The following HDAC2 variants were observed in gnomAD, a reference collection of about 807,000 sequenced individuals.
The protein encoded by HDAC2 is histone deacetylase 2, also known as YY1-associated factor 1.
Under a neutral mutation model 68.5 loss-of-function variants are expected in HDAC2, and 5 were observed. That is an observed-to-expected ratio of 0.07 (90% CI 0.04 to 0.15). The LOEUF is 0.15. Ranked by LOEUF, HDAC2 falls within the 10% of genes least tolerant of loss-of-function variation. HDAC2 has a pLI of 1.00. For missense variants in HDAC2, 291 were observed against 600.8 expected, an observed-to-expected ratio of 0.48 and a Z score of 5.39; for synonymous variants, 182 against 191.3, an observed-to-expected ratio of 0.95 and a Z score of 0.40.
intron 1 of HDAC2, among the ~76,000 whole-genome samples, chr6:113,961,124 A>G (rs1294326945): frequency 6.6e-6 from 1 of 152,164 alleles, no homozygotes; most frequent in Non-Finnish European, 1.5e-5. Context: ...GGGTCAGGAC[A>G]GTCAAGCTAT....
chr6:113,956,193 T>C (rs1289324851), intron 4 of HDAC2, 42 bp from the exon 5 acceptor site: 2 of 1,525,686 alleles, frequency 1.3e-6, no homozygotes, highest in East Asian at 2.3e-5. Flanking sequence ...ACATTTATCA[T>C]AAAAAAGTAG....
chr6:113,940,108 T>A lies in HDAC2; in HGVS notation c.*950A>T, dbSNP rs1424105442. The A allele has an allele frequency of 1.3e-5, 2 of 152,200 alleles. No homozygotes were observed. Among genetic ancestry groups the A allele is most frequent in the African/African-American group, 2.4e-5 (1 of 41,460 alleles). The allele number at this position is 152,200 out of a possible 1,614,324, so 9.4% of individuals were successfully genotyped here. A position where few individuals can be genotyped will look rare whatever the true frequency, so the allele number is the denominator to read the frequency against. On this transcript the variant is annotated 3_prime_UTR_variant, in exon 14 of 14. Coordinates refer to ENST00000519065, the MANE Select transcript of HDAC2 (RefSeq NM_001527.4). ...GCTACTAGAATGTAAGCTCTGAGTGTAAGCTCTGAGTGAAAGCATTTTTCC... is the reference window on the plus strand; with the variant it reads ...GCTACTAGAATGTAAGCTCTGAGTGAAAGCTCTGAGTGAAAGCATTTTTCC...
intron 1 of HDAC2, among the ~76,000 whole-genome samples, chr6:113,967,372 G>C (rs1165085998): frequency 1.3e-5 from 2 of 152,016 alleles, no homozygotes; most frequent in Non-Finnish European, 1.5e-5. Flanking sequence ...CAGGTGATTT[G>C]CCTGCCTCAG....
Position 113,971,017 on chromosome 6 carries a change from G to A in HDAC2, c.-109C>T. On this transcript the variant is annotated 5_prime_UTR_variant, in exon 1 of 14. Coordinates refer to ENST00000519065, the MANE Select transcript of HDAC2 (RefSeq NM_001527.4). Reference sequence around the variant, plus strand: ...GAAAAGGGCTGAGGGAAACGTGGGGGCGATAGTCCCGCGGGGAAGGGCAGG... The same window carrying A: ...GAAAAGGGCTGAGGGAAACGTGGGGACGATAGTCCCGCGGGGAAGGGCAGG... 6.3e-7 allele frequency: 1 copy of A among 1,577,062 alleles called. No homozygotes were observed. The highest frequency in any genetic ancestry group is 8.6e-7 in the Non-Finnish European group (1 of 1,160,850).
chr6:113,942,482 CAT>C (rs1776159268), intron 12 of HDAC2, among the ~76,000 whole-genome samples: 2 of 146,986 alleles, frequency 1.4e-5, no homozygotes, highest in Non-Finnish European at 3.0e-5. Flanking sequence ...ATTTGATAGA[CAT>C]AGGAAAAATT....
At chr6:113,945,258 A>T (rs1247221314) in intron 10 of HDAC2, 104 bp downstream of exon 10, 1 of 503,694 alleles carries the variant, frequency 2.0e-6, no homozygotes, top group African/African-American at 2.0e-5. Context: ...AAAAAAACAA[A>T]ATATCTAATA....
At chr6:113,955,803 G>A (rs1776539273) in intron 5 of HDAC2, 1 of 462,160 alleles carries the variant, frequency 2.2e-6, no homozygotes, top group Admixed American at 4.0e-5. Context: ...GGGCCATAGT[G>A]CCTGGCCACA....
chr6:113,958,737 C>A lies in HDAC2; in HGVS notation c.195G>T (p.Met65Ile). The change falls in exon 3 of 14, where the codon ATG (methionine) becomes ATT (isoleucine). Residue 65 changes from methionine (M) to isoleucine (I), a missense_variant. Transcript: ENST00000519065. ...YRPHKATAEEMTKYHSDEYIK... is the reference protein window; with the variant it reads ...YRPHKATAEEITKYHSDEYIK... ...TATACTCATCACTGTGATATTTTGT[C>A]ATTTCTTCGGCAGTGGCTTTATGGG... The A allele has an allele frequency of 6.2e-7, 1 of 1,609,244 alleles. No individual in the cohort carries two copies. The highest frequency in any genetic ancestry group is 1.1e-5 in the South Asian group (1 of 90,596).
intron 1 of HDAC2, chr6:113,970,595 G>C (rs1776968335): frequency 7.8e-7 from 1 of 1,287,778 alleles, no homozygotes; most frequent in African/African-American, 1.6e-5. Context: ...CACCTTCGAG[G>C]CTGCGGACTG....
At chr6:113,965,248 G>T (rs1191315652) in intron 1 of HDAC2, among the ~76,000 whole-genome samples, 1 of 152,076 alleles carries the variant, frequency 6.6e-6, no homozygotes, top group Non-Finnish European at 1.5e-5. Flanking sequence ...ATAACTATCT[G>T]GCTTTGCTAT....
chr6:113,958,658 T>A lies in HDAC2; in HGVS notation c.274A>T (p.Met92Leu). 2 of 1,499,370 alleles carry A rather than the reference T, an allele frequency of 1.3e-6. No homozygotes were observed. Among genetic ancestry groups the A allele is most frequent in the Non-Finnish European group, 1.8e-6 (2 of 1,084,558 alleles). 92.9% of individuals were successfully genotyped at this position (1,499,370 alleles called of 1,614,324 possible). ...PDNMSEYSKQ[M>L]QRFNVGEDCP... is the part of the protein sequence containing the mutation. ...TTACTTAGAAACGTACATCTCTGCA[T>A]CTGCTTACTATACTCAGACATGTTA... Residue 92 changes from methionine (M) to leucine (L), a missense_variant, in exon 3 of 14, where the codon ATG (methionine) becomes TTG (leucine). This residue lies in a region of HDAC2 where 154 missense variants were observed against 472.1 expected (regional missense o/e 0.33). Transcript: ENST00000519065.
chr6:113,959,596 TAAA>T (rs771822379), intron 2 of HDAC2: 68 of 122,244 alleles, frequency 5.6e-4, no homozygotes, highest in Non-Finnish European at 6.0e-4. Context: ...ACAATTATTG[TAAA>T]AAAAAAAAAA....
chr6:113,939,663 T>C lies in HDAC2; in HGVS notation c.*1395A>G, dbSNP rs1046893094. The C allele has an allele frequency of 6.6e-6, 1 of 151,936 alleles. No homozygotes were observed. Among genetic ancestry groups the C allele is most frequent in the African/African-American group, 2.4e-5 (1 of 41,364 alleles). 9.4% of individuals were successfully genotyped at this position (151,936 alleles called of 1,614,324 possible). On this transcript the variant is annotated 3_prime_UTR_variant, in exon 14 of 14. Coordinates refer to ENST00000519065, the MANE Select transcript of HDAC2 (RefSeq NM_001527.4). Reference sequence around the variant, plus strand: ...AAAAACATGGATAAAATAATCACAATGGTGATTACTTCTTAAGGCTGGGAG... The same window carrying C: ...AAAAACATGGATAAAATAATCACAACGGTGATTACTTCTTAAGGCTGGGAG...
intron 9 of HDAC2, 39 bp from the exon 10 acceptor site, chr6:113,945,509 TCA>T: frequency 1.0e-6 from 1 of 973,998 alleles, no homozygotes; most frequent in Non-Finnish European, 1.7e-6. Context: ...TATTACAAGC[TCA>T]GTTTTCACAA....
At chr6:113,957,667 T>A (rs1405865079) in intron 3 of HDAC2, among the ~76,000 whole-genome samples, 1 of 152,006 alleles carries the variant, frequency 6.6e-6, no homozygotes, top group Non-Finnish European at 1.5e-5. Context: ...TGTACTTTTT[T>A]AATAGAGACA....
intron 5 of HDAC2, among the ~76,000 whole-genome samples, chr6:113,954,894 ATC>A (rs1049432670): frequency 6.6e-6 from 1 of 152,204 alleles, no homozygotes; most frequent in South Asian, 2.1e-4. Context: ...ACCTCTATAG[ATC>A]TCTCTCTCAA....
chr6:113,969,544 T>A (rs76160382), intron 1 of HDAC2, among the ~76,000 whole-genome samples: 128 of 152,294 alleles, frequency 8.4e-4, no homozygotes, highest in African/African-American at 2.9e-3. Context: ...AGACAGGACT[T>A]TCAGGAGAAG....
rs1776116241 is a variant in HDAC2, at chr6:113,940,916, C to A, written c.*142G>T. 1 of 557,682 alleles carries A rather than the reference C, an allele frequency of 1.8e-6. No homozygotes were observed. Among genetic ancestry groups the A allele is most frequent in the East Asian group, 3.6e-5 (1 of 27,584 alleles). The allele number at this position is 557,682 out of a possible 1,614,324, so 34.5% of individuals were successfully genotyped here. A position where few individuals can be genotyped will look rare whatever the true frequency, so the allele number is the denominator to read the frequency against. On this transcript the variant is annotated 3_prime_UTR_variant, in exon 14 of 14. Transcript: ENST00000519065. The stretch of plus-strand genomic sequence containing the variant: ...TCACAATAAAACTTGCCAAGAAAAA[C>A]AAAAACGAAAAAGCCATTTGAAAAT...
At chr6:113,950,126 C>T (rs1188828134) in intron 6 of HDAC2, among the ~76,000 whole-genome samples, 1 of 152,096 alleles carries the variant, frequency 6.6e-6, no homozygotes, top group Non-Finnish European at 1.5e-5. Flanking sequence ...AAATTTTGTT[C>T]CTACTTGTTG....
Sources: gnomAD v4.1 joint callset for allele counts (sites outside exome capture counted in the v4.1 genomes callset) on GRCh38, gnomAD v4.1.1 for gene constraint, gnomAD v4.1.1 regional missense constraint, MANE v1.5 for transcripts, NCBI Gene and HGNC (gene_info 2026-07-23, HGNC 2026-07-21) for gene names.